Variants in KIFAP3 observed in about 807,000 individuals in gnomAD.
The protein encoded by KIFAP3 is kinesin associated protein 3, also known as kinesin-associated protein 3.
A neutral mutation model predicts 106.5 loss-of-function variants in KIFAP3; 68 were observed. That is an observed-to-expected ratio of 0.64 (90% CI 0.53 to 0.78). The LOEUF is 0.78. Ranked by LOEUF, KIFAP3 falls within the 30% of genes least tolerant of loss-of-function variation. KIFAP3 has a pLI of 0.00. For missense variants in KIFAP3, 780 were observed against 941.8 expected (o/e 0.83, Z 2.25); for synonymous variants, 320 against 311.5 (o/e 1.03, Z -0.29).
chr1:170,070,188 T>A lies in KIFAP3; in HGVS notation c.32+4248A>T, dbSNP rs185343911. 4.4e-3 allele frequency among the ~76,000 whole-genome samples: 672 copies of A among 152,258 alleles called. 7 individuals carry two copies. The highest frequency in any genetic ancestry group is 6.5e-3 in the Non-Finnish European group (440 of 67,984). ...TAAATGAAAAGAAATCACATGTTCA[T>A]GGACTGAAGGACTTAATATTGTTAA... On this transcript the variant is annotated intron_variant, in intron 1 of 19. Transcript: ENST00000361580.
intron 19 of KIFAP3, among the ~76,000 whole-genome samples, chr1:169,941,450 T>C (rs890336138): frequency 2.0e-5 from 3 of 152,196 alleles, no homozygotes; most frequent in Non-Finnish European, 2.9e-5. Context: ...TTTATGGTAG[T>C]TGTCTAAATC....
At chr1:169,950,416 T>C in intron 19 of KIFAP3, among the ~76,000 whole-genome samples, 1 of 152,156 alleles carries the variant, frequency 6.6e-6, no homozygotes, top group Non-Finnish European at 1.5e-5. Context: ...TCCAGATAAC[T>C]TGACAGTGTT....
chr1:170,074,195 G>A (rs1403424708), intron 1 of KIFAP3, among the ~76,000 whole-genome samples: 1 of 152,106 alleles, frequency 6.6e-6, no homozygotes, highest in East Asian at 1.9e-4. Context: ...GTGATGTAGC[G>A]AAGAAACCAT....
intron 19 of KIFAP3, among the ~76,000 whole-genome samples, chr1:169,950,000 G>A (rs1395537510): frequency 6.6e-6 from 1 of 151,952 alleles, no homozygotes; most frequent in Non-Finnish European, 1.5e-5. Context: ...AAAAATGAAG[G>A]TATTCAGATT....
Position 169,961,214 on chromosome 1 carries a change from T to C in KIFAP3, c.2005A>G (p.Lys669Glu). 1 of 1,612,552 alleles carries C rather than the reference T, an allele frequency of 6.2e-7. No homozygotes were observed. ...CGAAACTTTTCACTCTGAATTTTCT[T>C]AGCCCATTCTTCATCATATTCCTAT... ...IIAEYDEEWA[K>E]KIQSEKFRWH... The change falls in exon 18 of 20, where the codon AAG becomes GAG. Residue 669 changes from lysine to glutamate, a missense_variant. This residue lies in a region of KIFAP3 where 78 missense variants were observed against 140.6 expected (regional missense o/e 0.55). Coordinates refer to ENST00000361580, the MANE Select transcript of KIFAP3 (RefSeq NM_014970.4).
intron 1 of KIFAP3, chr1:170,068,252 C>A (rs1671540676): frequency 6.6e-6 from 1 of 152,062 alleles, no homozygotes; most frequent in Non-Finnish European, 1.5e-5. Context: ...AAACACTGGA[C>A]TTATCAAAGA....
chr1:170,010,483 C>T (rs147838175), intron 10 of KIFAP3, among the ~76,000 whole-genome samples: 17 of 151,956 alleles, frequency 1.1e-4, no homozygotes, highest in African/African-American at 4.1e-4. Flanking sequence ...TTAGAGCCTT[C>T]CATGGAAAAA....
At chr1:169,922,140 G>A (rs1210447650) in intron 19 of KIFAP3, among the ~76,000 whole-genome samples, 2 of 152,054 alleles carry the variant, frequency 1.3e-5, no homozygotes, top group Non-Finnish European at 2.9e-5. Flanking sequence ...TATTGCTAGG[G>A]AATGATAAAA....
chr1:169,933,807 A>C (rs991430344), intron 19 of KIFAP3, among the ~76,000 whole-genome samples: 1 of 152,124 alleles, frequency 6.6e-6, no homozygotes, highest in Admixed American at 6.6e-5. Context: ...CAAACTATGA[A>C]CTTATCAATA....
rs936209979 is a variant in KIFAP3 at position 170,003,980 on chromosome 1, T to C, written c.1184-11725A>G. Among the ~76,000 whole-genome samples the C allele has an allele frequency of 1.0e-3, 158 of 152,078 alleles. 1 individual carries two copies. The highest frequency in any genetic ancestry group is 3.0e-3 in the Admixed American group (46 of 15,286). On this transcript the variant is annotated intron_variant, in intron 10 of 19. Coordinates refer to ENST00000361580, the MANE Select transcript of KIFAP3 (RefSeq NM_014970.4). ...AAAACCCCATTGTCTCAGCCCAAAA[T>C]CTCCTTAAGCTGATAAGCAACTTCA...
intron 11 of KIFAP3, chr1:169,990,152 G>T: frequency 2.0e-6 from 3 of 1,496,956 alleles, no homozygotes; most frequent in Non-Finnish European, 2.7e-6. Context: ...AAGAAGCACA[G>T]AGTTCAGTAT....
In KIFAP3 at chr1:169,983,389, C is replaced by G. The variant is rs769400698; in HGVS notation, c.1394-7G>C. 32 of 1,564,820 alleles carry G rather than the reference C, an allele frequency of 2.0e-5. No individual in the cohort carries two copies. In the Admixed American group the frequency reaches 5.1e-4, roughly 25 times the overall value. On this transcript the variant is annotated splice_region_variant and splice_polypyrimidine_tract_variant and intron_variant, in intron 12 of 19. Transcript: ENST00000361580. ...AGCATCTTCAGCCCATTTCCTGAAACAGAAAAGTCCCCCAATAAAATTAAG... is the reference window on the plus strand; with the variant it reads ...AGCATCTTCAGCCCATTTCCTGAAAGAGAAAAGTCCCCCAATAAAATTAAG...
chr1:170,058,737 G>A (rs76062373), intron 1 of KIFAP3, among the ~76,000 whole-genome samples: 2 of 152,142 alleles, frequency 1.3e-5, no homozygotes, highest in East Asian at 1.9e-4. Flanking sequence ...TGAGGCGGGT[G>A]TAGGGGAGGA....
chr1:170,000,760 C>A (rs1287486439), intron 10 of KIFAP3, among the ~76,000 whole-genome samples: 1 of 152,008 alleles, frequency 6.6e-6, no homozygotes, highest in East Asian at 1.9e-4. Context: ...TGGATGATCT[C>A]TTTTATAATA....
intron 10 of KIFAP3, among the ~76,000 whole-genome samples, chr1:169,998,389 TATATATATATACAC>T (rs989257269): frequency 8.1e-4 from 44 of 54,624 alleles, no homozygotes; most frequent in South Asian, 1.7e-3. Context: ...CAGATATATA[TATATATATATACAC>T]ACACACACAC....
At chr1:170,033,082 C>T (rs1157886219) in intron 7 of KIFAP3, among the ~76,000 whole-genome samples, 1 of 151,672 alleles carries the variant, frequency 6.6e-6, no homozygotes, top group Non-Finnish European at 1.5e-5. Flanking sequence ...GACTCCAGAA[C>T]TGATGTAAAG....
intron 17 of KIFAP3, among the ~76,000 whole-genome samples, chr1:169,971,227 C>T (rs1665903837): frequency 2.0e-5 from 3 of 151,942 alleles, no homozygotes; most frequent in Admixed American, 2.0e-4. Context: ...ACTGACAACT[C>T]CCTCCTTTCC....
intron 1 of KIFAP3, among the ~76,000 whole-genome samples, chr1:170,061,097 C>T (rs1345625204): frequency 2.0e-5 from 3 of 152,212 alleles, no homozygotes; most frequent in Admixed American, 6.5e-5. Flanking sequence ...AGGACTCAGG[C>T]ATGGGCAAGG....
chr1:170,020,789 A>G (rs1049482748), intron 9 of KIFAP3, among the ~76,000 whole-genome samples: 4 of 152,224 alleles, frequency 2.6e-5, no homozygotes, highest in African/African-American at 9.6e-5. Context: ...ACAACTAGAC[A>G]TCCATATTAA....
Sources: allele counts gnomAD v4.1 joint callset (sites outside exome capture counted in the v4.1 genomes callset), GRCh38; gene constraint gnomAD v4.1.1; regional missense constraint gnomAD v4.1.1; transcripts MANE v1.5; gene names NCBI Gene and HGNC (gene_info 2026-07-23, HGNC 2026-07-21).